Variants in SMC5 observed in about 807,000 individuals in gnomAD.
SMC5 encodes the protein structural maintenance of chromosomes 5, also known as structural maintenance of chromosomes protein 5.
SMC5 carries 88 observed loss-of-function variants against 148.3 expected under a neutral mutation model. The observed-to-expected ratio is 0.59, with a 90% CI of 0.50 to 0.71. The LOEUF is 0.71. Ranked by LOEUF, SMC5 falls within the 30% of genes least tolerant of loss-of-function variation. The pLI, the probability that SMC5 is intolerant of heterozygous loss-of-function variation, is 0.00. For missense variants in SMC5, 1,142 were observed against 1,298.9 expected, an observed-to-expected ratio of 0.88 and a Z score of 1.86; for synonymous variants, 421 against 432.8, an observed-to-expected ratio of 0.97 and a Z score of 0.34.
chr9:70,297,358 T>C (rs1323787938), intron 8 of SMC5, among the ~76,000 whole-genome samples: 3 of 152,222 alleles, frequency 2.0e-5, no homozygotes, highest in Non-Finnish European at 4.4e-5. Flanking sequence ...TCTATTTATA[T>C]GCTACTCATA....
At chr9:70,316,670 A>G (rs553517055) in intron 13 of SMC5, among the ~76,000 whole-genome samples, 1 of 152,206 alleles carries the variant, frequency 6.6e-6, no homozygotes, top group African/African-American at 2.4e-5. Flanking sequence ...TTCTTTACTA[A>G]TTCAGAAAGA....
intron 15 of SMC5, among the ~76,000 whole-genome samples, chr9:70,321,826 A>C (rs141062690): frequency 1.9e-3 from 286 of 152,356 alleles, no homozygotes; most frequent in African/African-American, 6.6e-3. Flanking sequence ...TTAGGGTTTC[A>C]AGTCTGGGGA....
intron 3 of SMC5, among the ~76,000 whole-genome samples, chr9:70,270,720 C>G (rs2034424545): frequency 6.9e-6 from 1 of 145,338 alleles, no homozygotes; most frequent in African/African-American, 2.6e-5. Context: ...AATCTCGGCT[C>G]ACTGCAACCT....
intron 11 of SMC5, among the ~76,000 whole-genome samples, chr9:70,307,474 A>C (rs1161715979): frequency 6.6e-6 from 1 of 151,548 alleles, no homozygotes; most frequent in East Asian, 1.9e-4. Flanking sequence ...GTATAGATTC[A>C]TAGAATTGTT....
At chr9:70,279,917 G>T (rs561373585) in intron 5 of SMC5, among the ~76,000 whole-genome samples, 1 of 152,080 alleles carries the variant, frequency 6.6e-6, no homozygotes, top group South Asian at 2.1e-4. Context: ...CAGGGGTTTG[G>T]TGTGTCACCC....
intron 10 of SMC5, among the ~76,000 whole-genome samples, chr9:70,302,501 A>G (rs1277156658): frequency 6.7e-6 from 1 of 148,464 alleles, no homozygotes; most frequent in Non-Finnish European, 1.5e-5. Context: ...CAAGAAAAAA[A>G]AATATATATA....
In SMC5 at chr9:70,291,553, A is replaced by G. The variant is rs149537496; in HGVS notation, c.1053+5282A>G. On this transcript the variant is annotated intron_variant, in intron 8 of 24. Coordinates refer to ENST00000361138, the MANE Select transcript of SMC5 (RefSeq NM_015110.4). ...ATCCCAGGAATTTCCAAAACCTCAT[A>G]TGGTTTGGGGAGAAGCTCATTCCCC... Among the ~76,000 whole-genome samples the G allele has an allele frequency of 2.2e-3, 339 of 152,214 alleles. 2 individuals carry two copies. Among genetic ancestry groups the G allele is most frequent in the African/African-American group, 7.8e-3 (323 of 41,528 alleles).
intron 11 of SMC5, 22 bp from the exon 12 acceptor site, chr9:70,314,720 A>G (rs1193962732): frequency 4.8e-6 from 6 of 1,262,604 alleles, no homozygotes; most frequent in South Asian, 1.5e-5. Context: ...TTAAAATAAT[A>G]TTTTCTTTTC....
chr9:70,351,473 A>G (rs1413968342), intron 24 of SMC5, among the ~76,000 whole-genome samples: 1 of 152,060 alleles, frequency 6.6e-6, no homozygotes, highest in Non-Finnish European at 1.5e-5. Flanking sequence ...TTAATACCCT[A>G]CTGCTTGCCA....
At chr9:70,289,201 C>T (rs2034991419) in intron 8 of SMC5, among the ~76,000 whole-genome samples, 1 of 152,088 alleles carries the variant, frequency 6.6e-6, no homozygotes, top group African/African-American at 2.4e-5. Flanking sequence ...CCACGCCTGG[C>T]TAATTTTTGT....
chr9:70,342,833 C>T (rs979602938), intron 17 of SMC5, among the ~76,000 whole-genome samples: 1 of 152,196 alleles, frequency 6.6e-6, no homozygotes, highest in African/African-American at 2.4e-5. Flanking sequence ...CCTCCAGCCA[C>T]ATTAGATTAC....
At chr9:70,337,018 C>T (rs1028901096) in intron 17 of SMC5, among the ~76,000 whole-genome samples, 1 of 152,040 alleles carries the variant, frequency 6.6e-6, no homozygotes. Context: ...AGGGAAACTC[C>T]CCCTTATAGA....
At chr9:70,337,323 C>T (rs909424361) in intron 17 of SMC5, among the ~76,000 whole-genome samples, 2 of 152,084 alleles carry the variant, frequency 1.3e-5, no homozygotes, top group Non-Finnish European at 2.9e-5. Context: ...GTAACCCACA[C>T]CTGACACAGT....
chr9:70,285,033 C>T (rs1369336247), intron 7 of SMC5, among the ~76,000 whole-genome samples: 1 of 152,106 alleles, frequency 6.6e-6, no homozygotes, highest in African/African-American at 2.4e-5. Context: ...TTAGTCTCCT[C>T]AGTCAGGTGA....
At chr9:70,307,103 A>G (rs1196832216) in intron 11 of SMC5, among the ~76,000 whole-genome samples, 1 of 152,228 alleles carries the variant, frequency 6.6e-6, no homozygotes, top group Non-Finnish European at 1.5e-5. Context: ...AGTTAAAAAC[A>G]AATAATAGGC....
chr9:70,261,035 G>A (rs990444466), intron 1 of SMC5, among the ~76,000 whole-genome samples: 3 of 152,140 alleles, frequency 2.0e-5, no homozygotes, highest in East Asian at 3.9e-4. Context: ...CACTGCACCC[G>A]CCTAAGAAGA....
At chr9:70,312,615 A>G (rs949887423) in intron 11 of SMC5, among the ~76,000 whole-genome samples, 4 of 152,176 alleles carry the variant, frequency 2.6e-5, no homozygotes, top group African/African-American at 4.8e-5. Context: ...TCATCTACCT[A>G]TTTTACTGAG....
intron 16 of SMC5, 24 bp downstream of exon 16, chr9:70,323,630 T>G (rs781138036): frequency 6.3e-7 from 1 of 1,597,152 alleles, no homozygotes; most frequent in Non-Finnish European, 8.5e-7. Flanking sequence ...TTAATTTTAG[T>G]CATTTTTTAA....
chr9:70,264,373 G>A lies in SMC5; in HGVS notation c.255G>A (p.Gly85=). 1 of 1,614,084 alleles carries A rather than the reference G, an allele frequency of 6.2e-7. No individual in the cohort carries two copies. The highest frequency in any genetic ancestry group is 8.5e-7 in the Non-Finnish European group (1 of 1,179,966). The change falls in exon 2 of 25, where the codon GGG becomes GGA. Residue 85 remains glycine (G), a synonymous_variant. Transcript: ENST00000361138. ...TGATCGTTGGAGCCAATGGAACAGG[G>A]AAGTCGAGCATTGTGTGTGCCATTT... ...LNMIVGANGT[G]KSSIVCAICL... is the part of the protein sequence containing the mutation.
Sources: allele counts gnomAD v4.1 joint callset (sites outside exome capture counted in the v4.1 genomes callset), GRCh38; gene constraint gnomAD v4.1.1; transcripts MANE v1.5; gene names NCBI Gene and HGNC (gene_info 2026-07-23, HGNC 2026-07-21).